MAGI1: variants seen among roughly 807,000 people sequenced by gnomAD.
MAGI1 encodes membrane-associated guanylate kinase, WW and PDZ domain-containing protein 1.
MAGI1 carries 58 observed loss-of-function variants against 139.9 expected under a neutral mutation model. The observed-to-expected ratio is 0.41, with a 90% confidence interval of 0.34 to 0.52. The LOEUF (loss-of-function observed/expected upper bound fraction) is 0.52. Among genes scored for constraint, MAGI1 ranks in the 20% least tolerant of loss-of-function variants. MAGI1 has a pLI of 0.12. For synonymous variants in MAGI1, 812 were observed against 737.9 expected, an observed-to-expected ratio of 1.10 and a Z score of -1.63; for missense variants, 1,874 against 1,901.6, an observed-to-expected ratio of 0.99 and a Z score of 0.27.
At chr3:65,383,436 T>C (rs1249739169) in intron 15 of MAGI1, 96 bp downstream of exon 15, 13 of 873,418 alleles carry the variant, frequency 1.5e-5, no homozygotes, top group Non-Finnish European at 2.5e-5. Flanking sequence ...GTGTTGCATC[T>C]AGCTGGACTT....
chr3:65,920,565 A>T (rs2062127353), intron 1 of MAGI1, among the ~76,000 whole-genome samples: 3 of 152,218 alleles, frequency 2.0e-5, no homozygotes, highest in African/African-American at 4.8e-5. Flanking sequence ...GGACTTAAGA[A>T]ATATTTTTAA....
At chr3:65,361,507 A>T (rs1940853021) in intron 21 of MAGI1, among the ~76,000 whole-genome samples, 170 bp from the exon 22 acceptor site, 1 of 152,184 alleles carries the variant, frequency 6.6e-6, no homozygotes, top group Admixed American at 6.5e-5. Flanking sequence ...AAGACAATTA[A>T]GAAAATTAGA....
intron 1 of MAGI1, among the ~76,000 whole-genome samples, chr3:65,761,885 G>A (rs1225202353): frequency 6.6e-6 from 1 of 152,176 alleles, no homozygotes; most frequent in African/African-American, 2.4e-5. Context: ...ATGGTACTGT[G>A]AGAAATGAAA....
intron 1 of MAGI1, among the ~76,000 whole-genome samples, chr3:65,862,719 G>T (rs750743498): frequency 5.3e-5 from 8 of 152,198 alleles, no homozygotes; most frequent in Non-Finnish European, 1.5e-5. Context: ...TAGTGGCATG[G>T]AAACCACATG....
At chr3:65,773,068 C>T (rs2038084876) in intron 1 of MAGI1, among the ~76,000 whole-genome samples, 1 of 152,164 alleles carries the variant, frequency 6.6e-6, no homozygotes, top group Non-Finnish European at 1.5e-5. Flanking sequence ...AAAACTCTAC[C>T]TGCCTGGCAG....
chr3:65,473,639 CAAAAAAAAA>C (rs35970775), intron 4 of MAGI1, among the ~76,000 whole-genome samples: 2 of 87,358 alleles, frequency 2.3e-5, no homozygotes, highest in African/African-American at 9.4e-5. Context: ...TACATGTTTA[CAAAAAAAAA>C]AAAAAAAAAA....
At chr3:65,917,503 A>G (rs773006792) in intron 1 of MAGI1, among the ~76,000 whole-genome samples, 1 of 152,244 alleles carries the variant, frequency 6.6e-6, no homozygotes, top group African/African-American at 2.4e-5. Context: ...CCTGCACATG[A>G]AAGTTTATAA....
intron 10 of MAGI1, among the ~76,000 whole-genome samples, chr3:65,432,495 G>T (rs2107356013): frequency 6.6e-6 from 1 of 152,262 alleles, no homozygotes. Flanking sequence ...TCTGGCTCTT[G>T]CAAAGAAGGC....
At chr3:65,444,418 T>C (rs1349471800) in intron 7 of MAGI1, among the ~76,000 whole-genome samples, 4 of 151,870 alleles carry the variant, frequency 2.6e-5, no homozygotes, top group Admixed American at 2.6e-4. Flanking sequence ...TACATTTGTA[T>C]AGGGCAGAAG....
At chr3:65,748,232 A>G (rs952779898) in intron 1 of MAGI1, among the ~76,000 whole-genome samples, 7 of 152,152 alleles carry the variant, frequency 4.6e-5, no homozygotes, top group Non-Finnish European at 2.9e-5. Flanking sequence ...TGTTATTTTA[A>G]TATCTATTAG....
intron 1 of MAGI1, among the ~76,000 whole-genome samples, chr3:65,890,793 C>G (rs1286140857): frequency 2.0e-5 from 3 of 152,194 alleles, no homozygotes; most frequent in Non-Finnish European, 4.4e-5. Context: ...TAGAACTATC[C>G]CAATAAGCTA....
intron 18 of MAGI1, among the ~76,000 whole-genome samples, chr3:65,371,209 G>A (rs1559907307): frequency 6.6e-6 from 1 of 152,152 alleles, no homozygotes; most frequent in Non-Finnish European, 1.5e-5. Context: ...TGATAAACGT[G>A]TCTAAATCCA....
Position 65,549,426 on chromosome 3 carries a change from C to T in MAGI1, c.431-55795G>A, listed in dbSNP as rs2079704124. ...CCGTTACCTGCGGGCCCCGGAGCGG[C>T]CCCGGAGTTCGCCTCGGTCACTGCC... On this transcript the variant is annotated intron_variant, in intron 2 of 22. Coordinates refer to ENST00000402939, the MANE Select transcript of MAGI1 (RefSeq NM_001033057.2). The T allele has an allele frequency of 6.1e-6, 6 of 985,172 alleles. No homozygotes were observed. In the South Asian group the frequency reaches 2.8e-4, roughly 46 times the overall value. The allele number at this position is 985,172 out of a possible 1,614,324, so 61.0% of individuals were successfully genotyped here.
At position 65,356,622 on chromosome 3, in the gene MAGI1, C is replaced by A; in HGVS notation, c.4145G>T (p.Arg1382Met). The A allele has an allele frequency of 6.3e-7, 1 of 1,590,540 alleles. No homozygotes were observed. Residue 1382 changes from arginine (R) to methionine (M), a missense_variant, in exon 23 of 23, where the codon AGG (arginine) becomes ATG (methionine). Arg to Met is a moderately conservative substitution (Grantham distance 91). This residue lies in a region of MAGI1 where 653 missense variants were observed against 644.5 expected (regional missense o/e 1.01). Transcript: ENST00000402939. ...GCCCCCTCTCCTGCGCTCGGGGGAC[C>A]TCCTCTGCTCCAGGAGTCTCTCCAG... The part of the protein sequence containing the change: ...RSLERLLEQR[R>M]SPERRRGGSP...
chr3:65,626,829 T>C (rs1559733413), intron 1 of MAGI1, among the ~76,000 whole-genome samples: 1 of 152,232 alleles, frequency 6.6e-6, no homozygotes, highest in Non-Finnish European at 1.5e-5. Flanking sequence ...TCACATTCTA[T>C]TAAAAATACT....
chr3:65,765,920 T>C (rs370648984), intron 1 of MAGI1, among the ~76,000 whole-genome samples: 2 of 152,214 alleles, frequency 1.3e-5, no homozygotes, highest in African/African-American at 4.8e-5. Flanking sequence ...TGAACCCTGG[T>C]AGTGTCACCA....
chr3:65,497,359 C>A (rs1952531752), intron 2 of MAGI1, among the ~76,000 whole-genome samples: 1 of 152,068 alleles, frequency 6.6e-6, no homozygotes, highest in Non-Finnish European at 1.5e-5. Context: ...AAGATAGGAG[C>A]AAAGGAGGAG....
At chr3:65,932,755 A>T (rs1030607424) in intron 1 of MAGI1, among the ~76,000 whole-genome samples, 4 of 151,500 alleles carry the variant, frequency 2.6e-5, no homozygotes, top group Non-Finnish European at 5.9e-5. Context: ...AAAGAAACAT[A>T]ATCAGAGGAA....
At chr3:65,942,808 G>GT (rs2063373791) in intron 1 of MAGI1, among the ~76,000 whole-genome samples, 1 of 152,160 alleles carries the variant, frequency 6.6e-6, no homozygotes, top group Admixed American at 6.5e-5. Context: ...ATAACAAGAG[G>GT]TTGGGAGTTC....
Sources: gnomAD v4.1 joint callset for allele counts (sites outside exome capture counted in the v4.1 genomes callset) on GRCh38, gnomAD v4.1.1 for gene constraint, gnomAD v4.1.1 regional missense constraint, MANE v1.5 for transcripts, NCBI Gene and HGNC (gene_info 2026-07-23, HGNC 2026-07-21) for gene names.